Variants in AR observed in about 807,000 individuals in gnomAD.
AR encodes dihydrotestosterone receptor.
A neutral mutation model predicts 53.9 loss-of-function variants in AR; 8 were observed. The ratio of observed to expected loss-of-function variants is 0.15; its 90% confidence interval spans 0.09 to 0.27. The LOEUF is 0.27. Among genes scored for constraint, AR ranks in the 10% least tolerant of loss-of-function variants. The pLI is 1.00. For missense variants in AR, 639 were observed against 742.5 expected (o/e 0.86, Z 1.62); for synonymous variants, 359 against 316.4 (o/e 1.13, Z -1.43).
At chrX:67,642,067 TCA>T (rs1349924616) in intron 1 of AR, among the ~76,000 whole-genome samples, 1 of 111,359 alleles carries the variant, frequency 9.0e-6, no homozygotes, top group East Asian at 2.8e-4. Flanking sequence ...AAGCTTGTCT[TCA>T]CAGAGTTTTC....
intron 5 of AR, among the ~76,000 whole-genome samples, chrX:67,719,377 T>C (rs1383784271): frequency 8.9e-6 from 1 of 112,123 alleles, no homozygotes; most frequent in African/African-American, 3.2e-5. Context: ...CTGAGACCTT[T>C]GGAGCTTTGA....
chrX:67,657,534 G>A (rs1178224682), intron 2 of AR, among the ~76,000 whole-genome samples: 9 of 111,810 alleles, frequency 8.0e-5, no homozygotes, highest in Admixed American at 7.6e-4. Flanking sequence ...CTCTTCAGAG[G>A]AAGACTCACT....
chrX:67,641,265 T>A (rs1208466709), intron 1 of AR, among the ~76,000 whole-genome samples: 1 of 111,869 alleles, frequency 8.9e-6, no homozygotes, highest in African/African-American at 3.2e-5. Context: ...AATATAGGGA[T>A]GATACACAGC....
chrX:67,634,966 T>C (rs1486581370), intron 1 of AR, among the ~76,000 whole-genome samples: 2 of 110,582 alleles, frequency 1.8e-5, no homozygotes, highest in Non-Finnish European at 3.8e-5. Flanking sequence ...GAGAAAGATA[T>C]GTGTTTACAT....
chrX:67,596,581 C>T (rs1162178937), intron 1 of AR, among the ~76,000 whole-genome samples: 1 of 112,013 alleles, frequency 8.9e-6, no homozygotes, highest in Non-Finnish European at 1.9e-5. Flanking sequence ...GTGGATTCTG[C>T]CTTCCTCAGT....
At chrX:67,574,184 C>G (rs1477279668) in intron 1 of AR, among the ~76,000 whole-genome samples, 2 of 111,689 alleles carry the variant, frequency 1.8e-5, no homozygotes, top group African/African-American at 3.3e-5. Context: ...GCGACACCAC[C>G]CATAGAGGGT....
intron 1 of AR, among the ~76,000 whole-genome samples, chrX:67,617,699 T>A (rs762893966): frequency 3.5e-3 from 387 of 111,484 alleles, no homozygotes; most frequent in Non-Finnish European, 6.0e-3. Context: ...AAATATGGGT[T>A]TTATAAGATG....
intron 1 of AR, among the ~76,000 whole-genome samples, chrX:67,638,525 G>A (rs192935488): frequency 1.7e-4 from 19 of 111,692 alleles, no homozygotes; most frequent in Admixed American, 3.8e-4. Flanking sequence ...TCTAACTGGC[G>A]TGAGATGGTA....
At chrX:67,563,363 T>A (rs1269588413) in intron 1 of AR, among the ~76,000 whole-genome samples, 1 of 112,040 alleles carries the variant, frequency 8.9e-6, no homozygotes, top group Admixed American at 9.5e-5. Flanking sequence ...TGAGTTTCAG[T>A]TTCTTCATTT....
At chrX:67,594,204 G>A (rs1160279139) in intron 1 of AR, among the ~76,000 whole-genome samples, 1 of 111,575 alleles carries the variant, frequency 9.0e-6, no homozygotes, top group African/African-American at 3.3e-5. Context: ...ATGTTGCCCT[G>A]GCTGGTCTCA....
At chrX:67,715,487 G>A (rs773183446) in intron 4 of AR, among the ~76,000 whole-genome samples, 16 of 111,047 alleles carry the variant, frequency 1.4e-4, no homozygotes, top group African/African-American at 4.9e-4. Flanking sequence ...CTATATGAGT[G>A]GACAGGGACC....
At chrX:67,614,116 G>C (rs1041936333) in intron 1 of AR, among the ~76,000 whole-genome samples, 1 of 112,218 alleles carries the variant, frequency 8.9e-6, no homozygotes, top group Non-Finnish European at 1.9e-5. Flanking sequence ...GGGAAAGGAG[G>C]CCTATGAGGT....
At chrX:67,582,737 T>C (rs1488587971) in intron 1 of AR, among the ~76,000 whole-genome samples, 1 of 111,676 alleles carries the variant, frequency 9.0e-6, no homozygotes, top group Non-Finnish European at 1.9e-5. Context: ...GCCAGGAATC[T>C]GTATTTTTAA....
chrX:67,557,418 C>A (rs746648757), intron 1 of AR, among the ~76,000 whole-genome samples: 16 of 112,040 alleles, frequency 1.4e-4, no homozygotes, highest in Non-Finnish European at 2.8e-4. Context: ...GGTGCATGGG[C>A]AGGGTAGAAA....
At chrX:67,663,292 C>T (rs1927050479) in intron 2 of AR, among the ~76,000 whole-genome samples, 1 of 112,097 alleles carries the variant, frequency 8.9e-6, no homozygotes, top group African/African-American at 3.2e-5. Context: ...TTAGTGCTTC[C>T]TTCAGGAGCT....
intron 1 of AR, among the ~76,000 whole-genome samples, chrX:67,600,819 A>G (rs190794091): frequency 9.0e-6 from 1 of 111,326 alleles, no homozygotes; most frequent in Non-Finnish European, 1.9e-5. Flanking sequence ...CCCCATAAAT[A>G]TATACATCCA....
chrX:67,576,466 A>ATT (rs1459224279), intron 1 of AR, among the ~76,000 whole-genome samples: 2 of 110,670 alleles, frequency 1.8e-5, no homozygotes, highest in Admixed American at 9.7e-5. Context: ...GAGAGAGAGA[A>ATT]TTAAATCATG....
chrX:67,610,482 G>A (rs960609941), intron 1 of AR, among the ~76,000 whole-genome samples: 13 of 111,044 alleles, frequency 1.2e-4, no homozygotes, highest in Admixed American at 9.6e-4. Context: ...TTCACTCCCA[G>A]TTTCACTCCT....
At chrX:67,557,024 G>T (rs1197296945) in intron 1 of AR, among the ~76,000 whole-genome samples, 2 of 110,808 alleles carry the variant, frequency 1.8e-5, no homozygotes, top group Non-Finnish European at 3.8e-5. Flanking sequence ...TTTTGAGCAG[G>T]GTAACATGAC....
Sources: gnomAD v4.1 joint callset for allele counts (sites outside exome capture counted in the v4.1 genomes callset) on GRCh38, gnomAD v4.1.1 for gene constraint, MANE v1.5 for transcripts, NCBI Gene and HGNC (gene_info 2026-07-23, HGNC 2026-07-21) for gene names.